The following DGKB variants were observed in gnomAD, a reference collection of about 807,000 sequenced individuals.
The protein encoded by DGKB is 90 kDa diacylglycerol kinase.
Under a neutral mutation model 114.3 loss-of-function variants are expected in DGKB, and 67 were observed. The ratio of observed to expected loss-of-function variants is 0.59; its 90% CI spans 0.48 to 0.72. The LOEUF is 0.72. Among genes scored for constraint, DGKB ranks in the 30% least tolerant of loss-of-function variants. The pLI is 0.00. For missense variants in DGKB, 907 were observed against 975.2 expected (o/e 0.93, Z 0.93); for synonymous variants, 398 against 323.1 (o/e 1.23, Z -2.49).
chr7:14,537,996 C>T (rs1792801112), intron 20 of DGKB, among the ~76,000 whole-genome samples: 1 of 145,628 alleles, frequency 6.9e-6, no homozygotes, highest in South Asian at 2.2e-4. Flanking sequence ...AGGAGAATCC[C>T]TTGAACCTAG....
Position 14,524,225 on chromosome 7 carries a change from G to GA in DGKB, c.1771-46001dup, listed in dbSNP as rs569437780. Among the ~76,000 whole-genome samples the GA allele has an allele frequency of 5.4e-3, 808 of 150,832 alleles. 5 individuals are homozygous for GA. Among genetic ancestry groups the GA allele is most frequent in the Middle Eastern group, 0.021 (6 of 292 alleles). ...GATGATACACCAAGAGTTTAAATTT[G>GA]AAAAAAAAATCTACTGCTCCTGGAA... is the stretch of plus-strand genomic sequence containing the variant. On this transcript the variant is annotated intron_variant, in intron 20 of 25. Transcript: ENST00000402815.
At chr7:14,687,951 AC>A (rs1019582488) in intron 9 of DGKB, among the ~76,000 whole-genome samples, 2 of 152,234 alleles carry the variant, frequency 1.3e-5, no homozygotes, top group Non-Finnish European at 2.9e-5. Context: ...AAAATGCTTT[AC>A]CAAAAAACAA....
At chr7:14,644,376 T>A (rs949164724) in intron 13 of DGKB, among the ~76,000 whole-genome samples, 2 of 152,006 alleles carry the variant, frequency 1.3e-5, no homozygotes, top group African/African-American at 2.4e-5. Flanking sequence ...AGACCACAAA[T>A]AAAAGAAAAT....
chr7:14,325,402 C>T lies in DGKB; in HGVS notation c.2122+13113G>A, dbSNP rs78237246. Among the ~76,000 whole-genome samples, 953 of 152,150 alleles carry T rather than the reference C, an allele frequency of 6.3e-3. 6 individuals carry two copies. The highest frequency in any genetic ancestry group is 0.011 in the African/African-American group (442 of 41,504). ...CTGAAGGGAAAGCAGCAAGAAAATACGATATTCCACGATTCACCATGAAGA... is the reference window on the plus strand; with the variant it reads ...CTGAAGGGAAAGCAGCAAGAAAATATGATATTCCACGATTCACCATGAAGA... On this transcript the variant is annotated intron_variant, in intron 23 of 25. Coordinates refer to ENST00000402815, the MANE Select transcript of DGKB (RefSeq NM_001350709.2).
rs539659506 is a variant in DGKB, at chr7:14,799,914, C to CCTTTT, written c.70+41275_70+41279dup. 1.3e-3 allele frequency among the ~76,000 whole-genome samples: 196 copies of CCTTTT among 151,874 alleles called. 1 individual carries two copies. Among genetic ancestry groups the CCTTTT allele is most frequent in the South Asian group, 9.8e-3 (47 of 4,804 alleles). On this transcript the variant is annotated intron_variant, in intron 2 of 25. Transcript: ENST00000402815. Reference sequence around the variant, plus strand: ...GCAAGGGCCTGCATATAATTATTCTCCTTTTCTTTTCTTTTTTTTTTTGAC... The same window carrying CCTTTT: ...GCAAGGGCCTGCATATAATTATTCTCCTTTTCTTTTCTTTTCTTTTTTTTTTTGAC...
rs1434783045 is a variant in DGKB, at chr7:14,757,859, AT to A, written c.71-129del. On this transcript the variant is annotated intron_variant, in intron 2 of 25. Transcript: ENST00000402815. Reference sequence around the variant, plus strand: ...AGAAACTAAATTTAAAAACCAACACATAAAATATCTCTTGCCATTTTTGAAA... The same window carrying A: ...AGAAACTAAATTTAAAAACCAACACAAAAATATCTCTTGCCATTTTTGAAA... The A allele has an allele frequency of 1.1e-3, 584 of 533,078 alleles. 1 individual carries two copies. Among genetic ancestry groups the A allele is most frequent in the Non-Finnish European group, 2.5e-4 (73 of 296,898 alleles). 33.0% of individuals were successfully genotyped at this position (533,078 alleles called of 1,614,324 possible).
intron 23 of DGKB, among the ~76,000 whole-genome samples, chr7:14,304,229 T>G (rs1804084977): frequency 6.6e-6 from 1 of 152,088 alleles, no homozygotes; most frequent in Admixed American, 6.6e-5. Context: ...TTCAGATGGA[T>G]TATCTTTTTA....
chr7:14,864,101 CAAAAAAA>C (rs34612317), intron 1 of DGKB, among the ~76,000 whole-genome samples: 2 of 96,512 alleles, frequency 2.1e-5, no homozygotes, highest in Admixed American at 1.2e-4. Flanking sequence ...AACTCTGTTT[CAAAAAAA>C]AAAAAAAAAA....
chr7:14,279,434 C>A (rs917529348), intron 23 of DGKB, among the ~76,000 whole-genome samples: 7 of 152,168 alleles, frequency 4.6e-5, no homozygotes, highest in African/African-American at 1.7e-4. Flanking sequence ...GGGCAGGGCA[C>A]AGACAAACAA....
chr7:14,166,589 C>A (rs1784636470), intron 25 of DGKB, among the ~76,000 whole-genome samples: 1 of 152,134 alleles, frequency 6.6e-6, no homozygotes, highest in African/African-American at 2.4e-5. Context: ...AAGGAATAAG[C>A]ACTCTTCACT....
chr7:14,633,922 G>A (rs1291789161), intron 13 of DGKB, among the ~76,000 whole-genome samples: 3 of 151,242 alleles, frequency 2.0e-5, no homozygotes, highest in Non-Finnish European at 4.4e-5. Context: ...TAAGTATTAG[G>A]ATATCTCTTG....
At chr7:14,194,409 C>A (rs1009378098) in intron 23 of DGKB, among the ~76,000 whole-genome samples, 2 of 152,086 alleles carry the variant, frequency 1.3e-5, no homozygotes, top group African/African-American at 4.8e-5. Flanking sequence ...ATGGATGAAC[C>A]TGGAGGACAC....
chr7:14,724,550 AC>A (rs1829734602), intron 5 of DGKB, among the ~76,000 whole-genome samples: 1 of 152,028 alleles, frequency 6.6e-6, no homozygotes, highest in South Asian at 2.1e-4. Context: ...ATTGGCAAAA[AC>A]CCCAAACAAG....
chr7:14,515,890 G>A (rs1048425031), intron 20 of DGKB, among the ~76,000 whole-genome samples: 1 of 152,064 alleles, frequency 6.6e-6, no homozygotes, highest in African/African-American at 2.4e-5. Context: ...TGTTGCCTAG[G>A]CTGGAGTGCA....
chr7:14,375,201 C>T (rs886516322), intron 21 of DGKB, among the ~76,000 whole-genome samples: 8 of 152,192 alleles, frequency 5.3e-5, no homozygotes, highest in African/African-American at 1.4e-4. Context: ...CTTTATAATG[C>T]AACTGAAGGC....
At chr7:14,217,449 G>GA (rs1420037344) in intron 23 of DGKB, among the ~76,000 whole-genome samples, 7 of 151,690 alleles carry the variant, frequency 4.6e-5, no homozygotes, top group African/African-American at 1.7e-4. Context: ...TAACATTAAA[G>GA]AAAAAAATCA....
chr7:14,570,316 T>C (rs1798189612), intron 20 of DGKB, among the ~76,000 whole-genome samples: 1 of 152,030 alleles, frequency 6.6e-6, no homozygotes, highest in South Asian at 2.1e-4. Flanking sequence ...CTCATTTCTA[T>C]TATAGCTTTC....
intron 13 of DGKB, among the ~76,000 whole-genome samples, chr7:14,641,459 T>C (rs1479286636): frequency 1.3e-5 from 2 of 151,238 alleles, no homozygotes; most frequent in African/African-American, 4.9e-5. Context: ...TAAATTTTCA[T>C]TGCTCAAGGC....
rs2128206951 is a variant in DGKB at position 14,147,469 on chromosome 7, T to C, written c.*1662A>G. ...AGAGCAGCTATTTGATATAACAGCA[T>C]TCAGTTGAGTTTTCAAACCAAAGAA... is the stretch of plus-strand genomic sequence containing the variant. On this transcript the variant is annotated 3_prime_UTR_variant, in exon 26 of 26. Transcript: ENST00000402815. 6.6e-6 allele frequency: 1 copy of C among 152,248 alleles called. No homozygotes were observed. 9.4% of individuals were successfully genotyped at this position (152,248 alleles called of 1,614,324 possible).
Sources: gnomAD v4.1 joint callset for allele counts (sites outside exome capture counted in the v4.1 genomes callset) on GRCh38, gnomAD v4.1.1 for gene constraint, MANE v1.5 for transcripts, NCBI Gene and HGNC (gene_info 2026-07-23, HGNC 2026-07-21) for gene names.